ADGRF1: variants seen among roughly 807,000 people sequenced by gnomAD.
The protein encoded by ADGRF1 is G protein-coupled receptor 110.
A neutral mutation model predicts 87.2 loss-of-function variants in ADGRF1; 85 were observed. The observed-to-expected ratio is 0.97, with a 90% CI of 0.82 to 1.17. The LOEUF is 1.17. ADGRF1 is among the 50% of genes most tolerant of loss of function. The pLI is 0.00. For synonymous variants in ADGRF1, 430 were observed against 408.8 expected, an observed-to-expected ratio of 1.05 and a Z score of -0.63; for missense variants, 1,169 against 1,077.2, an observed-to-expected ratio of 1.09 and a Z score of -1.19.
chr6:47,017,000 G>A (rs1779902453), intron 7 of ADGRF1: 2 of 322,444 alleles, frequency 6.2e-6, no homozygotes, highest in Non-Finnish European at 9.3e-6. Context: ...ATAATTATGG[G>A]GCCCCACATT....
Position 47,010,250 on chromosome 6 carries a change from C to T in ADGRF1, c.1185G>A (p.Arg395=). 1 of 1,613,910 alleles carries T rather than the reference C, an allele frequency of 6.2e-7. No individual in the cohort carries two copies. The highest frequency in any genetic ancestry group is 1.1e-5 in the South Asian group (1 of 91,066). ...ASVTNWTVLL[R]EEKYASSRLL... ...ACCGTGAGCTGGCATACTTTTCTTCCCGCAGTAAGACTGTCCAGTTGGTTA... is the reference window on the plus strand; with the variant it reads ...ACCGTGAGCTGGCATACTTTTCTTCTCGCAGTAAGACTGTCCAGTTGGTTA... Residue 395 remains arginine, a synonymous_variant, in exon 11 of 15, where the codon CGG becomes CGA. Coordinates refer to ENST00000371253, the MANE Select transcript of ADGRF1 (RefSeq NM_153840.4).
chr6:47,039,371 A>G (rs1027901896), intron 1 of ADGRF1, among the ~76,000 whole-genome samples: 5 of 152,240 alleles, frequency 3.3e-5, no homozygotes, highest in Admixed American at 3.3e-4. Context: ...TTTTAACTCT[A>G]TGAAATGCTA....
intron 1 of ADGRF1, among the ~76,000 whole-genome samples, chr6:47,038,224 T>G (rs548447462): frequency 2.0e-5 from 3 of 152,346 alleles, no homozygotes; most frequent in Non-Finnish European, 4.4e-5. Flanking sequence ...TAACAGTTAG[T>G]TCTTAAAATT....
chr6:47,032,245 T>C (rs1445867481), intron 1 of ADGRF1, among the ~76,000 whole-genome samples: 2 of 152,254 alleles, frequency 1.3e-5, no homozygotes. Flanking sequence ...AGTTCTACTC[T>C]GGGATTTGAA....
chr6:47,036,101 C>T (rs372132305), intron 1 of ADGRF1, among the ~76,000 whole-genome samples: 10 of 152,182 alleles, frequency 6.6e-5, no homozygotes, highest in East Asian at 1.9e-4. Context: ...CATGGTGGTA[C>T]GCACCTGTGG....
At chr6:47,001,423 C>T in intron 14 of ADGRF1, 78 bp downstream of exon 14, 1 of 1,142,366 alleles carries the variant, frequency 8.8e-7, no homozygotes, top group South Asian at 1.4e-5. Context: ...TTACATGTTG[C>T]CATTGAATTT....
chr6:47,009,364 G>A lies in ADGRF1; in HGVS notation c.2071C>T (p.His691Tyr), dbSNP rs763044746. The change falls in exon 11 of 15, where the codon CAT becomes TAT. Residue 691 changes from histidine to tyrosine, a missense_variant. Coordinates refer to ENST00000371253, the MANE Select transcript of ADGRF1 (RefSeq NM_153840.4). ...LLAYRIILVF[H>Y]HMAQHLMMAV... ...ATCATCAAATGCTGGGCCATGTGATGGAACACGAGGATGATCCGGTAAGCC... is the reference window on the plus strand; with the variant it reads ...ATCATCAAATGCTGGGCCATGTGATAGAACACGAGGATGATCCGGTAAGCC... The A allele has an allele frequency of 6.8e-6, 11 of 1,613,974 alleles. No individual in the cohort carries two copies. Among genetic ancestry groups the A allele is most frequent in the Admixed American group, 5.0e-5 (3 of 59,980 alleles).
intron 13 of ADGRF1, 55 bp from the exon 14 acceptor site, chr6:47,001,622 G>C: frequency 7.2e-7 from 1 of 1,389,550 alleles, no homozygotes; most frequent in East Asian, 2.3e-5. Flanking sequence ...TTTACTGTTG[G>C]TCTGCATTTC....
In ADGRF1 at chr6:47,020,755, T is replaced by C. The variant is rs1370115261; in HGVS notation, c.587A>G (p.Glu196Gly). The change falls in exon 7 of 15, where the codon GAG becomes GGG. Residue 196 changes from glutamate to glycine, a missense_variant. By Grantham distance (98) the Glu-to-Gly change is moderately conservative (BLOSUM62 -2). Transcript: ENST00000371253. ...KKAYERIQGF[E>G]SVQVTQFRNG... ...CCGAAATTGGGTGACCTGAACCGAC[T>C]CAAAACCTTGAATTCTTTCATATGC... 1 of 1,613,984 alleles carries C rather than the reference T, an allele frequency of 6.2e-7. No homozygotes were observed. Among genetic ancestry groups the C allele is most frequent in the South Asian group, 1.1e-5 (1 of 91,082 alleles).
At chr6:47,019,146 G>T in intron 7 of ADGRF1, 2 of 359,352 alleles carry the variant, frequency 5.6e-6, no homozygotes, top group Non-Finnish European at 7.8e-6. Context: ...CTGTGATTTG[G>T]TCTGCAGATT....
intron 7 of ADGRF1, chr6:47,019,299 T>C: frequency 1.0e-6 from 1 of 975,506 alleles, no homozygotes; most frequent in Non-Finnish European, 1.2e-6. Context: ...GCAGTGTTTT[T>C]GCTGGTATTG....
intron 1 of ADGRF1, among the ~76,000 whole-genome samples, chr6:47,030,988 C>G (rs1269853624): frequency 6.6e-6 from 1 of 152,242 alleles, no homozygotes; most frequent in South Asian, 2.1e-4. Flanking sequence ...GTCTCAAACT[C>G]CAGACCTCAA....
In ADGRF1 at chr6:47,036,661, T is replaced by C. The variant is rs1345451396; in HGVS notation, c.-44+5530A>G. ...CAATGGTTACACTGATAAATCTTCA[T>C]TGTTTCAAACCTACCAAAACCCACT... On this transcript the variant is annotated intron_variant, in intron 1 of 14. Coordinates refer to ENST00000371253, the MANE Select transcript of ADGRF1 (RefSeq NM_153840.4). Among the ~76,000 whole-genome samples, 4 of 152,230 alleles carry C rather than the reference T, an allele frequency of 2.6e-5. No individual in the cohort carries two copies. In the South Asian group the frequency reaches 6.2e-4, roughly 24 times the overall value.
chr6:47,033,045 G>C (rs1427948316), intron 1 of ADGRF1, among the ~76,000 whole-genome samples: 2 of 152,190 alleles, frequency 1.3e-5, no homozygotes, highest in South Asian at 2.1e-4. Context: ...AAGCCGGAAT[G>C]GTCCTGATTA....
At chr6:47,018,369 A>G in intron 7 of ADGRF1, 6 of 1,250,738 alleles carry the variant, frequency 4.8e-6, no homozygotes, top group African/African-American at 1.6e-5. Context: ...AAAAATTATT[A>G]ATTACTAATT....
Position 47,014,190 on chromosome 6 carries a change from T to C in ADGRF1, c.927+491A>G, listed in dbSNP as rs1026230585. 4.0e-5 allele frequency: 37 copies of C among 927,912 alleles called. No individual in the cohort carries two copies. The African/African-American group carries it at 4.5e-4, about 11-fold the overall frequency. 57.5% of individuals were successfully genotyped at this position (927,912 alleles called of 1,614,324 possible). A position where few individuals can be genotyped will look rare whatever the true frequency, so the allele number is the denominator to read the frequency against. The stretch of plus-strand genomic sequence containing the variant: ...TTGTTTTCTGATCTGCAAAATGAGG[T>C]TGGTAAACCAGATGCCCCTTAAGGT... On this transcript the variant is annotated intron_variant, in intron 9 of 14. Transcript: ENST00000371253.
rs954737164 is a variant in ADGRF1 at position 47,008,871 on chromosome 6, T to C, written c.2490+74A>G. ...CAGGGAGATGAGATAATCTCCAGAGTGGTTTTACCTGCCTGAGTTCTCTAC... is the reference window on the plus strand; with the variant it reads ...CAGGGAGATGAGATAATCTCCAGAGCGGTTTTACCTGCCTGAGTTCTCTAC... On this transcript the variant is annotated intron_variant, in intron 11 of 14. Transcript: ENST00000371253. 5 of 1,286,392 alleles carry C rather than the reference T, an allele frequency of 3.9e-6. No individual in the cohort carries two copies. In the South Asian group the frequency reaches 4.7e-5, roughly 12 times the overall value. 79.7% of individuals were successfully genotyped at this position (1,286,392 alleles called of 1,614,324 possible).
chr6:47,037,206 C>G (rs1780612304), intron 1 of ADGRF1, among the ~76,000 whole-genome samples: 1 of 152,080 alleles, frequency 6.6e-6, no homozygotes, highest in Non-Finnish European at 1.5e-5. Flanking sequence ...TTTTAATTTT[C>G]CTGTGTTTGA....
intron 1 of ADGRF1, among the ~76,000 whole-genome samples, chr6:47,040,764 T>C (rs1408631439): frequency 6.6e-6 from 1 of 152,194 alleles, no homozygotes; most frequent in African/African-American, 2.4e-5. Context: ...TTTATTTATA[T>C]CCAAATTTGA....
Sources: gnomAD v4.1 joint callset for allele counts (sites outside exome capture counted in the v4.1 genomes callset) on GRCh38, gnomAD v4.1.1 for gene constraint, MANE v1.5 for transcripts, NCBI Gene and HGNC (gene_info 2026-07-23, HGNC 2026-07-21) for gene names.